Variants in CEP104 observed in about 807,000 individuals in gnomAD.
The protein encoded by CEP104 is centrosomal protein 104.
A neutral mutation model predicts 113.3 loss-of-function variants in CEP104; 84 were observed. The ratio of observed to expected loss-of-function variants is 0.74; its 90% CI spans 0.62 to 0.89. The LOEUF is 0.89. CEP104 is among the 40% of genes least tolerant of loss of function. CEP104 has a pLI of 0.00. For missense variants in CEP104, 1,053 were observed against 1,156.6 expected, an observed-to-expected ratio of 0.91 and a Z score of 1.30; for synonymous variants, 378 against 421.7, an observed-to-expected ratio of 0.90 and a Z score of 1.27.
intron 9 of CEP104, chr1:3,836,987 G>A (rs1213437081): frequency 1.2e-5 from 6 of 516,156 alleles, no homozygotes; most frequent in African/African-American, 9.5e-5. Context: ...CAACTGACAT[G>A]GAGACTACTA....
At chr1:3,838,124 T>A (rs1173894750) in intron 8 of CEP104, among the ~76,000 whole-genome samples, 1 of 152,218 alleles carries the variant, frequency 6.6e-6, no homozygotes, top group African/African-American at 2.4e-5. Context: ...GGTGCCCGGA[T>A]TTGAACCCAG....
intron 21 of CEP104, chr1:3,816,044 AC>A (rs1557654797): frequency 2.2e-6 from 1 of 461,604 alleles, no homozygotes; most frequent in Non-Finnish European, 3.9e-6. Context: ...ATCCTAGGCC[AC>A]CCGTGGAGCC....
intron 2 of CEP104, among the ~76,000 whole-genome samples, chr1:3,852,080 G>C (rs1290736246): frequency 6.6e-6 from 1 of 152,182 alleles, no homozygotes. Context: ...ATCTTCTTAA[G>C]GGAGTGTGGG....
intron 20 of CEP104, among the ~76,000 whole-genome samples, chr1:3,821,910 C>G (rs1239932871): frequency 6.6e-6 from 1 of 152,216 alleles, no homozygotes; most frequent in African/African-American, 2.4e-5. Context: ...TCTATGGATC[C>G]CGGTAATCAG....
rs1290193444 is a variant in CEP104, at chr1:3,819,566, T to C, written c.2572-3196A>G. Among the ~76,000 whole-genome samples the C allele has an allele frequency of 6.6e-6, 1 of 152,034 alleles. No homozygotes were observed. Among genetic ancestry groups the C allele is most frequent in the Non-Finnish European group, 1.5e-5 (1 of 68,010 alleles). ...TCCCAGCCAAACACAAATACTAGAA[T>C]TGGAAAGTACCAGATTGAAAATGAA... On this transcript the variant is annotated intron_variant, in intron 20 of 21. Transcript: ENST00000378230. This position sits in a 1 kb window ranked among gnomAD's most constrained non-coding sequence, Gnocchi z 4.6.
chr1:3,838,857 G>T, intron 8 of CEP104, 107 bp downstream of exon 8: 1 of 1,221,480 alleles, frequency 8.2e-7, no homozygotes, highest in Non-Finnish European at 1.2e-6. Context: ...GCACTGCAGA[G>T]TGTTTTACAC....
chr1:3,840,829 T>C (rs1644398958), intron 6 of CEP104, among the ~76,000 whole-genome samples: 1 of 152,226 alleles, frequency 6.6e-6, no homozygotes, highest in South Asian at 2.1e-4. Context: ...TGTGAGCCAC[T>C]GCACCCAGCC....
At chr1:3,841,255 T>C (rs1644406168) in intron 6 of CEP104, among the ~76,000 whole-genome samples, 1 of 152,102 alleles carries the variant, frequency 6.6e-6, no homozygotes, top group East Asian at 1.9e-4. Flanking sequence ...AAGTGGGGCA[T>C]AGGAATAGGC....
In CEP104 at chr1:3,819,530, C is replaced by T. The variant is rs190189783; in HGVS notation, c.2572-3160G>A. 2.0e-5 allele frequency among the ~76,000 whole-genome samples: 3 copies of T among 152,162 alleles called. No individual in the cohort carries two copies. Among genetic ancestry groups the T allele is most frequent in the African/African-American group, 7.2e-5 (3 of 41,514 alleles). Reference sequence around the variant, plus strand: ...GTGAATCTCAGCAGAGAAATGAAACCTGTAAAGAAATCCCAGCCAAACACA... The same window carrying T: ...GTGAATCTCAGCAGAGAAATGAAACTTGTAAAGAAATCCCAGCCAAACACA... On this transcript the variant is annotated intron_variant, in intron 20 of 21. Transcript: ENST00000378230. This position sits in a 1 kb window ranked among gnomAD's most constrained non-coding sequence, Gnocchi z 4.6.
chr1:3,826,521 C>T lies in CEP104; in HGVS notation c.2189-85G>A, dbSNP rs948024995. 28 of 1,361,946 alleles carry T rather than the reference C, an allele frequency of 2.1e-5. No homozygotes were observed. In the African/African-American group the frequency reaches 2.6e-4, roughly 13 times the overall value. The allele number at this position is 1,361,946 out of a possible 1,614,324, so 84.4% of individuals were successfully genotyped here. A position where few individuals can be genotyped will look rare whatever the true frequency, so the allele number is the denominator to read the frequency against. On this transcript the variant is annotated intron_variant, in intron 16 of 21. Coordinates refer to ENST00000378230, the MANE Select transcript of CEP104 (RefSeq NM_014704.4). ...AAGCAGTTTGATGTGAGCTCTAAAACGATTATACAAGTAAAAAGGTAGCAT... is the reference window on the plus strand; with the variant it reads ...AAGCAGTTTGATGTGAGCTCTAAAATGATTATACAAGTAAAAAGGTAGCAT...
Position 3,837,288 on chromosome 1 carries a change from C to T in CEP104, c.1119+4G>A. 1 of 1,603,284 alleles carries T rather than the reference C, an allele frequency of 6.2e-7. No homozygotes were observed. The highest frequency in any genetic ancestry group is 8.5e-7 in the Non-Finnish European group (1 of 1,170,786). ...GAACGCCAATCTGAAACAGAATTAC[C>T]TACATTGATCTTTGGATGAGGATCT... On this transcript the variant is annotated splice_donor_region_variant and intron_variant, in intron 9 of 21. Transcript: ENST00000378230.
intron 15 of CEP104, among the ~76,000 whole-genome samples, chr1:3,828,933 G>A (rs1043038767): frequency 1.3e-5 from 2 of 152,164 alleles, no homozygotes; most frequent in Non-Finnish European, 2.9e-5. Flanking sequence ...TTATAGTCAA[G>A]CTGATTTTTC....
rs528154196 is a variant in CEP104, at chr1:3,848,503, G to C, written c.287+105C>G. The stretch of plus-strand genomic sequence containing the variant: ...GCTGAGATTGCACCACTGCACTCCA[G>C]CCTGGGTGACACAGCGAGACTCCAT... On this transcript the variant is annotated intron_variant, in intron 3 of 21. Coordinates refer to ENST00000378230, the MANE Select transcript of CEP104 (RefSeq NM_014704.4). 6.2e-5 allele frequency: 58 copies of C among 940,212 alleles called. No homozygotes were observed. The African/African-American group carries it at 8.0e-4, about 13-fold the overall frequency. The allele number at this position is 940,212 out of a possible 1,614,324, so 58.2% of individuals were successfully genotyped here.
At position 3,829,537 on chromosome 1, in the gene CEP104, T is replaced by C. The variant is rs149317299; in HGVS notation, c.2044-164A>G. 5.0e-3 allele frequency among the ~76,000 whole-genome samples: 764 copies of C among 152,348 alleles called. 10 individuals carry two copies. The highest frequency in any genetic ancestry group is 0.018 in the African/African-American group (744 of 41,564). On this transcript the variant is annotated intron_variant, in intron 14 of 21. Coordinates refer to ENST00000378230, the MANE Select transcript of CEP104 (RefSeq NM_014704.4). ...TTTCCATTGATTTCATTGGTGTCTA[T>C]TGATAGATAAACCCACTGTGTCCTC...
intron 21 of CEP104, among the ~76,000 whole-genome samples, chr1:3,815,845 G>A (rs1643872415): frequency 6.6e-6 from 1 of 152,106 alleles, no homozygotes; most frequent in Admixed American, 6.5e-5. Context: ...CGGCCACTGT[G>A]CCCGGCCAAT....
rs1216613344 is a variant in CEP104 at position 3,819,581 on chromosome 1, T to C, written c.2572-3211A>G. ...AATACTAGAATTGGAAAGTACCAGA[T>C]TGAAAATGAATTCACTTAACAGAGG... On this transcript the variant is annotated intron_variant, in intron 20 of 21. Transcript: ENST00000378230. This position sits in a 1 kb window ranked among gnomAD's most constrained non-coding sequence, Gnocchi z 4.6. Among the ~76,000 whole-genome samples, 2 of 152,064 alleles carry C rather than the reference T, an allele frequency of 1.3e-5. No individual in the cohort carries two copies. Among genetic ancestry groups the C allele is most frequent in the African/African-American group, 2.4e-5 (1 of 41,406 alleles).
intron 18 of CEP104, among the ~76,000 whole-genome samples, chr1:3,824,756 G>A (rs935888396): frequency 4.6e-5 from 7 of 152,186 alleles, no homozygotes; most frequent in Non-Finnish European, 8.8e-5. Context: ...ACAGGCACAG[G>A]GGGAACTCAC....
chr1:3,851,420 T>C (rs1644608219), intron 2 of CEP104, among the ~76,000 whole-genome samples: 1 of 152,104 alleles, frequency 6.6e-6, no homozygotes, highest in African/African-American at 2.4e-5. Context: ...GCCATACATA[T>C]TTACGCGTTC....
chr1:3,837,880 AC>A (rs1156833751), intron 8 of CEP104, among the ~76,000 whole-genome samples: 1 of 152,264 alleles, frequency 6.6e-6, no homozygotes, highest in African/African-American at 2.4e-5. Flanking sequence ...ACCCAAGTGG[AC>A]TTTTATTCAA....
Sources: allele counts gnomAD v4.1 joint callset (sites outside exome capture counted in the v4.1 genomes callset), GRCh38; gene constraint gnomAD v4.1.1; non-coding constraint Gnocchi (gnomAD v3.1); transcripts MANE v1.5; gene names NCBI Gene and HGNC (gene_info 2026-07-23, HGNC 2026-07-21).